Variants in ABCG1 observed in about 807,000 individuals in gnomAD.
The protein encoded by ABCG1 is ATP-binding cassette sub-family G member 1.
Under a neutral mutation model 69.2 loss-of-function variants are expected in ABCG1, and 29 were observed. That is an observed-to-expected ratio of 0.42 (90% CI 0.31 to 0.57). The LOEUF (loss-of-function observed/expected upper bound fraction) is 0.57, where lower values mean the gene tolerates loss of function less well. Among genes scored for constraint, ABCG1 ranks in the 20% least tolerant of loss-of-function variants. The probability of loss-of-function intolerance (pLI) is 0.15; values close to 1 mark genes in which losing one functional copy is unlikely to be tolerated. For missense variants in ABCG1, 718 were observed against 898.1 expected, an observed-to-expected ratio of 0.80 and a Z score of 2.56; for synonymous variants, 370 against 374.8, an observed-to-expected ratio of 0.99 and a Z score of 0.15.
chr21:42,288,042 A>G lies in ABCG1; in HGVS notation c.1122+5A>G, dbSNP rs1236119693. 1 of 1,608,318 alleles carries G rather than the reference A, an allele frequency of 6.2e-7. No homozygotes were observed. Among genetic ancestry groups the G allele is most frequent in the African/African-American group, 1.3e-5 (1 of 74,700 alleles). ...TGGCACCGGCCCTCTGAAGAGGTAA[A>G]GCAGACAAAACGATTAAAGGGGTTG... On this transcript the variant is annotated splice_donor_5th_base_variant and intron_variant, in intron 9 of 14. Coordinates refer to ENST00000398449, the MANE Select transcript of ABCG1 (RefSeq NM_016818.3). This position sits in a 1 kb window ranked among gnomAD's most constrained non-coding sequence, Gnocchi z 4.8.
intron 2 of ABCG1, chr21:42,259,979 G>T: frequency 6.6e-7 from 1 of 1,510,540 alleles, no homozygotes; most frequent in South Asian, 1.3e-5. Flanking sequence ...TTCCCTCCTG[G>T]TTTCTTCAGG....
chr21:42,286,107 T>G, intron 8 of ABCG1, 113 bp downstream of exon 8: 1 of 732,166 alleles, frequency 1.4e-6, no homozygotes, highest in South Asian at 1.6e-5. Context: ...CACAAATAGC[T>G]CAAGTGTCAT....
In ABCG1 at chr21:42,291,100, G is replaced by A. The variant is rs1296098717; in HGVS notation, c.1402G>A (p.Glu468Lys). 1.9e-6 allele frequency: 3 copies of A among 1,613,794 alleles called. No individual in the cohort carries two copies. Residue 468 changes from glutamate to lysine, a missense_variant, in exon 12 of 15, where the codon GAG (glutamate) becomes AAG (lysine). Transcript: ENST00000398449. The surrounding 1 kb of genome is among the most constrained non-coding windows in gnomAD (Gnocchi z 6.4). ...GCTTTTCTATCTCCTAGTTCCCCTG[G>A]AGATGGGAGTCTTTCTTCGGGAACA... is the stretch of plus-strand genomic sequence containing the variant. ...LMPTVLTFPL[E>K]MGVFLREHLN...
chr21:42,270,117 A>G (rs1027608746), intron 2 of ABCG1, among the ~76,000 whole-genome samples: 1 of 152,100 alleles, frequency 6.6e-6, no homozygotes, highest in Non-Finnish European at 1.5e-5. Flanking sequence ...AAAATTAGCC[A>G]GGCATGGTGG....
At position 42,282,489 on chromosome 21, in the gene ABCG1, G is replaced by A. The variant is rs1195665756; in HGVS notation, c.734+70G>A. The A allele has an allele frequency of 3.3e-6, 5 of 1,525,306 alleles. No homozygotes were observed. In the Admixed American group the frequency reaches 7.9e-5, roughly 24 times the overall value. The allele number at this position is 1,525,306 out of a possible 1,614,324, so 94.5% of individuals were successfully genotyped here. A position where few individuals can be genotyped will look rare whatever the true frequency, so the allele number is the denominator to read the frequency against. ...CCCCTGTATTCAGCGGTTCTTCCAG[G>A]TGACCCTGACATCCTGATGTAGCCT... On this transcript the variant is annotated intron_variant, in intron 6 of 14. Transcript: ENST00000398449.
At chr21:42,223,347 G>T (rs1033488089) in intron 1 of ABCG1, among the ~76,000 whole-genome samples, 22 of 152,138 alleles carry the variant, frequency 1.4e-4, no homozygotes, top group African/African-American at 4.8e-4. Flanking sequence ...CCCATCTCAG[G>T]GTCTGTGTTG....
At chr21:42,222,197 A>T (rs1405223092) in intron 1 of ABCG1, among the ~76,000 whole-genome samples, 1 of 152,180 alleles carries the variant, frequency 6.6e-6, no homozygotes, top group Non-Finnish European at 1.5e-5. Flanking sequence ...TTTTAATTTT[A>T]ATGAGCTCAG....
intron 2 of ABCG1, among the ~76,000 whole-genome samples, chr21:42,264,816 G>A (rs1306854213): frequency 1.3e-5 from 2 of 152,184 alleles, no homozygotes; most frequent in African/African-American, 2.4e-5. Context: ...TTGGGGTGCT[G>A]GTTGGTGTGC....
At position 42,288,883 on chromosome 21, in the gene ABCG1, G is replaced by C. The variant is rs1054542881; in HGVS notation, c.1224+571G>C. ...CAGGCTGTGTAAGAAGCATGGCCGG[G>C]GAGCCCTCAGGAAACTTTCAATCAT... is the stretch of plus-strand genomic sequence containing the variant. On this transcript the variant is annotated intron_variant, in intron 10 of 14. Transcript: ENST00000398449. The surrounding 1 kb of genome is among the most constrained non-coding windows in gnomAD (Gnocchi z 4.8). Among the ~76,000 whole-genome samples the C allele has an allele frequency of 6.6e-6, 1 of 152,150 alleles. No individual in the cohort carries two copies. The highest frequency in any genetic ancestry group is 6.5e-5 in the Admixed American group (1 of 15,274).
intron 2 of ABCG1, among the ~76,000 whole-genome samples, chr21:42,252,719 G>A (rs899079599): frequency 1.3e-5 from 2 of 152,054 alleles, no homozygotes; most frequent in Non-Finnish European, 2.9e-5. Flanking sequence ...CTGCAGCTTG[G>A]GGATCACCCT....
chr21:42,287,862 G>A lies in ABCG1; in HGVS notation c.974-27G>A, dbSNP rs749928500. ...TTGGGGTGTCCTTCCTGGAGCCCGG[G>A]CTGACCCCCGTCTGTGTCTCCTGCA... On this transcript the variant is annotated intron_variant, in intron 8 of 14. Transcript: ENST00000398449. The surrounding 1 kb of genome is among the most constrained non-coding windows in gnomAD (Gnocchi z 6.2). 14 of 1,534,052 alleles carry A rather than the reference G, an allele frequency of 9.1e-6. No individual in the cohort carries two copies. Among genetic ancestry groups the A allele is most frequent in the African/African-American group, 5.5e-5 (4 of 72,216 alleles).
At position 42,279,052 on chromosome 21, in the gene ABCG1, C is replaced by T. The variant is rs139082180; in HGVS notation, c.588+2107C>T. Among the ~76,000 whole-genome samples, 538 of 152,252 alleles carry T rather than the reference C, an allele frequency of 3.5e-3. 1 individual carries two copies. Among genetic ancestry groups the T allele is most frequent in the Middle Eastern group, 0.024 (7 of 294 alleles). Reference sequence around the variant, plus strand: ...GCCCCTGGATCCGCCTTTCAGGGCCCTCCTTCCCATCCCCCGGCCTCCCTG... The same window carrying T: ...GCCCCTGGATCCGCCTTTCAGGGCCTTCCTTCCCATCCCCCGGCCTCCCTG... On this transcript the variant is annotated intron_variant, in intron 5 of 14. Transcript: ENST00000398449.
chr21:42,219,656 C>T lies in ABCG1; in HGVS notation c.42+352C>T, dbSNP rs113888665. Reference sequence around the variant, plus strand: ...CTGGGGACCCGGAGCGCACTGGGGACTGGGGAGGGGCCGCAGCTTGGGCCG... The same window carrying T: ...CTGGGGACCCGGAGCGCACTGGGGATTGGGGAGGGGCCGCAGCTTGGGCCG... On this transcript the variant is annotated intron_variant, in intron 1 of 14. Transcript: ENST00000398449. The surrounding 1 kb of genome is among the most constrained non-coding windows in gnomAD (Gnocchi z 5.3). 9.9e-5 allele frequency among the ~76,000 whole-genome samples: 15 copies of T among 151,554 alleles called. No homozygotes were observed. The highest frequency in any genetic ancestry group is 3.6e-4 in the African/African-American group (15 of 41,436).
chr21:42,254,192 G>T (rs1484220012), intron 2 of ABCG1, among the ~76,000 whole-genome samples: 1 of 152,198 alleles, frequency 6.6e-6, no homozygotes, highest in South Asian at 2.1e-4. Flanking sequence ...GTGGCCGGGT[G>T]ACCATGTTAA....
intron 2 of ABCG1, among the ~76,000 whole-genome samples, chr21:42,243,744 AAAGAG>A (rs1290248282): frequency 1.3e-5 from 2 of 151,878 alleles, no homozygotes; most frequent in Non-Finnish European, 2.9e-5. Flanking sequence ...GGAGAGAAGC[AAAGAG>A]AAGTGCAGTT....
chr21:42,292,936 CA>C (rs2069100077), intron 13 of ABCG1, among the ~76,000 whole-genome samples: 1 of 148,672 alleles, frequency 6.7e-6, no homozygotes, highest in African/African-American at 2.5e-5. Flanking sequence ...ACACACCACA[CA>C]CTAAACACAT....
At chr21:42,218,951 C>A (rs1393208997), upstream of ABCG1, among the ~76,000 whole-genome samples, 1 of 152,142 alleles carries the variant, frequency 6.6e-6, no homozygotes, top group African/African-American at 2.4e-5. Context: ...GTTCCCATGC[C>A]GCCTGCGAGG....
intron 2 of ABCG1, 79 bp downstream of exon 2, chr21:42,225,993 G>C: frequency 6.5e-7 from 1 of 1,532,274 alleles, no homozygotes; most frequent in Non-Finnish European, 8.8e-7. Flanking sequence ...GCAAAATCGG[G>C]GTCTGGAGGT....
In ABCG1 at chr21:42,287,912, T is replaced by A; in HGVS notation, c.997T>A (p.Tyr333Asn). ...AGTCATGGAGGTTGCATCCGGCGAG[T>A]ACGGTGATCAGAACAGTCGGCTGGT... is the stretch of plus-strand genomic sequence containing the variant. ...DFVMEVASGE[Y>N]GDQNSRLVRA... The change falls in exon 9 of 15, where the codon TAC (tyrosine) becomes AAC (asparagine). Residue 333 changes from tyrosine (Y) to asparagine (N), a missense_variant. Physicochemically the swap from Tyr to Asn is moderately radical, Grantham distance 143 (BLOSUM62 -2). Transcript: ENST00000398449. This position sits in a 1 kb window ranked among gnomAD's most constrained non-coding sequence, Gnocchi z 6.2. 6.2e-7 allele frequency: 1 copy of A among 1,600,978 alleles called. No individual in the cohort carries two copies. The highest frequency in any genetic ancestry group is 1.1e-5 in the South Asian group (1 of 89,694).
Sources: allele counts gnomAD v4.1 joint callset (sites outside exome capture counted in the v4.1 genomes callset), GRCh38; gene constraint gnomAD v4.1.1; non-coding constraint Gnocchi (gnomAD v3.1); transcripts MANE v1.5; gene names NCBI Gene and HGNC (gene_info 2026-07-23, HGNC 2026-07-21).